The following CAPRIN1 variants were observed in gnomAD, a reference collection of about 807,000 sequenced individuals.
The protein encoded by CAPRIN1 is caprin-1.
Under a neutral mutation model 100.9 loss-of-function variants are expected in CAPRIN1, and 29 were observed. The ratio of observed to expected loss-of-function variants is 0.29; its 90% CI spans 0.21 to 0.39. CAPRIN1 has a LOEUF of 0.39. CAPRIN1 is among the 10% of genes least tolerant of loss of function. CAPRIN1 has a pLI of 1.00. For synonymous variants in CAPRIN1, 338 were observed against 307.5 expected (o/e 1.10, Z -1.04); for missense variants, 795 against 876.7 (o/e 0.91, Z 1.18).
chr11:34,064,961 T>G (rs1400901352), intron 2 of CAPRIN1, among the ~76,000 whole-genome samples: 1 of 140,186 alleles, frequency 7.1e-6, no homozygotes, highest in Non-Finnish European at 1.6e-5. Flanking sequence ...ATGGTTTTTT[T>G]TTTTTTTTTT....
rs1173581800 is a variant in CAPRIN1 at position 34,096,666 on chromosome 11, A to C, written c.1893A>C (p.Gly631=). ...LMNGYRGPAN[G]FRGGYDGYRP... ...ATGGATACCGGGGCCCTGCCAATGG[A>C]TTCAGAGGTAAAAAAATAAAAAAGG... is the stretch of plus-strand genomic sequence containing the variant. The change falls in exon 16 of 19, where the codon GGA becomes GGC. Residue 631 remains glycine (G), a synonymous_variant. Coordinates refer to ENST00000341394, the MANE Select transcript of CAPRIN1 (RefSeq NM_005898.5). 3 of 1,587,226 alleles carry C rather than the reference A, an allele frequency of 1.9e-6. No homozygotes were observed. The Admixed American group carries it at 5.2e-5, about 28-fold the overall frequency.
chr11:34,067,455 A>G lies in CAPRIN1; in HGVS notation c.217-4271A>G, dbSNP rs147145010. Among the ~76,000 whole-genome samples the G allele has an allele frequency of 9.9e-5, 15 of 152,284 alleles. No individual in the cohort carries two copies. The East Asian group carries it at 2.7e-3, about 27-fold the overall frequency. On this transcript the variant is annotated intron_variant, in intron 2 of 18. Transcript: ENST00000341394. Reference sequence around the variant, plus strand: ...ATGTTAATAGTAATACTAAATCAGAATAAATAGGCATGTGAGCTTTAATAA... The same window carrying G: ...ATGTTAATAGTAATACTAAATCAGAGTAAATAGGCATGTGAGCTTTAATAA...
rs191828416 is a variant in CAPRIN1, at chr11:34,102,152, G to A, written c.*2785G>A. ...CCTTTTATATGCAGCTCTTACGTGG[G>A]AGACTTTTCCACTTAAAGGAGACAT... On this transcript the variant is annotated 3_prime_UTR_variant, in exon 19 of 19. Coordinates refer to ENST00000341394, the MANE Select transcript of CAPRIN1 (RefSeq NM_005898.5). 2.0e-5 allele frequency among the ~76,000 whole-genome samples: 3 copies of A among 152,216 alleles called. No individual in the cohort carries two copies. Among genetic ancestry groups the A allele is most frequent in the African/African-American group, 7.2e-5 (3 of 41,522 alleles).
At chr11:34,087,490 C>CGT (rs1565095182) in intron 11 of CAPRIN1, among the ~76,000 whole-genome samples, 6 of 143,878 alleles carry the variant, frequency 4.2e-5, no homozygotes, top group African/African-American at 1.6e-4. Flanking sequence ...CCCGCCACTA[C>CGT]ACCCGGCTAA....
chr11:34,088,022 G>T (rs754833572), intron 11 of CAPRIN1, among the ~76,000 whole-genome samples: 2 of 152,144 alleles, frequency 1.3e-5, no homozygotes, highest in Admixed American at 6.5e-5. Context: ...ATTTAGAGAC[G>T]CAGTCTCGCT....
chr11:34,095,384 T>C (rs1303547214), intron 15 of CAPRIN1, among the ~76,000 whole-genome samples: 1 of 152,234 alleles, frequency 6.6e-6, no homozygotes, highest in Admixed American at 6.5e-5. Context: ...AAAGGCAATC[T>C]ATGTAAAAAG....
In CAPRIN1 at chr11:34,090,617, G is replaced by A. The variant is rs201661150; in HGVS notation, c.1493G>A (p.Ser498Asn). Residue 498 changes from serine (S) to asparagine (N), a missense_variant, in exon 14 of 19, where the codon AGC becomes AAC. Transcript: ENST00000341394. ...CCTCAAGTATTTCAGGCTGGGACAA[G>A]CAAACCTTTACATAGCAGTGGAATC... is the stretch of plus-strand genomic sequence containing the variant. ...SQPQVFQAGT[S>N]KPLHSSGINV... The A allele has an allele frequency of 5.6e-6, 9 of 1,614,166 alleles. 1 individual carries two copies. The African/African-American group carries it at 9.3e-5, about 17-fold the overall frequency.
intron 4 of CAPRIN1, among the ~76,000 whole-genome samples, chr11:34,073,723 C>T (rs1005566855): frequency 5.3e-5 from 8 of 152,144 alleles, no homozygotes; most frequent in African/African-American, 1.4e-4. Context: ...ACGTGCCTAG[C>T]TTCAATTACT....
chr11:34,086,548 G>C lies in CAPRIN1; in HGVS notation c.1231+135G>C, dbSNP rs2134124937. The C allele has an allele frequency of 5.3e-6, 3 of 569,650 alleles. No individual in the cohort carries two copies. The East Asian group carries it at 8.7e-5, about 17-fold the overall frequency. The allele number at this position is 569,650 out of a possible 1,614,324, so 35.3% of individuals were successfully genotyped here. Reference sequence around the variant, plus strand: ...GACTCTTAGGTCTTTTAATTTGATAGAAAGAATGTTATTGTTCCTATGATT... The same window carrying C: ...GACTCTTAGGTCTTTTAATTTGATACAAAGAATGTTATTGTTCCTATGATT... On this transcript the variant is annotated intron_variant, in intron 11 of 18. Transcript: ENST00000341394.
At chr11:34,070,026 TA>T (rs1471714336) in intron 2 of CAPRIN1, among the ~76,000 whole-genome samples, 1 of 152,232 alleles carries the variant, frequency 6.6e-6, no homozygotes, top group Non-Finnish European at 1.5e-5. Flanking sequence ...ACAATTTTAT[TA>T]TTGGTAAGGG....
At chr11:34,054,458 G>A (rs927063109) in intron 2 of CAPRIN1, among the ~76,000 whole-genome samples, 5 of 151,040 alleles carry the variant, frequency 3.3e-5, no homozygotes, top group Non-Finnish European at 7.4e-5. Context: ...ACGGAGTTTC[G>A]ATCTTTTTGC....
At position 34,052,569 on chromosome 11, in the gene CAPRIN1, A is replaced by G. The variant is rs1200198484; in HGVS notation, c.149A>G (p.Gln50Arg). The change falls in exon 2 of 19, where the codon CAG (glutamine) becomes CGG (arginine). Residue 50 changes from glutamine (Q) to arginine (R), a missense_variant. By Grantham distance (43) the Gln-to-Arg change is conservative. Coordinates refer to ENST00000341394, the MANE Select transcript of CAPRIN1 (RefSeq NM_005898.5). ...CCCGCAACCGGCACCGGCGCTGTCCAGACCGAGGCCATGAAGCAGATTCTC... is the reference window on the plus strand; with the variant it reads ...CCCGCAACCGGCACCGGCGCTGTCCGGACCGAGGCCATGAAGCAGATTCTC... ...QHPATGTGAV[Q>R]TEAMKQILGV... The G allele has an allele frequency of 2.0e-5, 32 of 1,610,704 alleles. No homozygotes were observed. The highest frequency in any genetic ancestry group is 2.6e-5 in the Non-Finnish European group (31 of 1,179,038).
At chr11:34,065,215 G>A (rs1223191331) in intron 2 of CAPRIN1, among the ~76,000 whole-genome samples, 1 of 152,078 alleles carries the variant, frequency 6.6e-6, no homozygotes, top group Non-Finnish European at 1.5e-5. Context: ...GCCCGCCTCA[G>A]CCTCCCAAAG....
intron 4 of CAPRIN1, among the ~76,000 whole-genome samples, chr11:34,075,797 TTAC>T (rs754653544): frequency 6.6e-6 from 1 of 152,266 alleles, no homozygotes; most frequent in Non-Finnish European, 1.5e-5. Context: ...CATTAAATTT[TTAC>T]TTTTTATATG....
intron 6 of CAPRIN1, among the ~76,000 whole-genome samples, chr11:34,078,756 A>G (rs1285533661): frequency 6.6e-6 from 1 of 152,068 alleles, no homozygotes; most frequent in Non-Finnish European, 1.5e-5. Flanking sequence ...CATCTTTTGT[A>G]TAGGACTTTG....
At chr11:34,064,953 G>GTTTT in intron 2 of CAPRIN1, among the ~76,000 whole-genome samples, 1 of 120,518 alleles carries the variant, frequency 8.3e-6, no homozygotes, top group African/African-American at 3.1e-5. Flanking sequence ...GCTGTATAAT[G>GTTTT]GTTTTTTTTT....
intron 7 of CAPRIN1, 64 bp from the exon 8 acceptor site, chr11:34,082,761 C>G: frequency 8.7e-7 from 1 of 1,148,026 alleles, no homozygotes. Context: ...CAATATCACA[C>G]AGAGTAGAGT....
intron 18 of CAPRIN1, chr11:34,098,071 CT>C: frequency 2.9e-6 from 3 of 1,045,666 alleles, no homozygotes; most frequent in Non-Finnish European, 3.5e-6. Context: ...TTAGGAAGTA[CT>C]TACTGAAACA....
intron 2 of CAPRIN1, among the ~76,000 whole-genome samples, chr11:34,062,754 A>T (rs924859730): frequency 5.3e-5 from 8 of 152,134 alleles, no homozygotes; most frequent in African/African-American, 1.9e-4. Flanking sequence ...CATAAAGTAT[A>T]GCTAGGTGCT....
Sources: allele counts gnomAD v4.1 joint callset (sites outside exome capture counted in the v4.1 genomes callset), GRCh38; gene constraint gnomAD v4.1.1; transcripts MANE v1.5; gene names NCBI Gene and HGNC (gene_info 2026-07-23, HGNC 2026-07-21).